Variants in INA observed in about 807,000 individuals in gnomAD.
The protein encoded by INA is alpha-internexin.
In INA, 35 loss-of-function variants were observed where a neutral mutation model predicts 40.1. The observed-to-expected ratio is 0.87, with a 90% confidence interval of 0.67 to 1.16. INA has a LOEUF of 1.16. INA is among the 50% of genes most tolerant of loss of function. The probability of loss-of-function intolerance (pLI) is 0.00; values close to 1 mark genes in which losing one functional copy is unlikely to be tolerated. For missense variants in INA, 594 were observed against 686.7 expected (o/e 0.87, Z 1.51); for synonymous variants, 290 against 316.9 (o/e 0.92, Z 0.90).
intron 2 of INA, among the ~76,000 whole-genome samples, chr10:103,287,390 T>C (rs1337213173): frequency 6.6e-6 from 1 of 152,174 alleles, no homozygotes; most frequent in African/African-American, 2.4e-5. Flanking sequence ...AAGGGGATAA[T>C]GTGAGTACAC....
chr10:103,287,018 G>T lies in INA; in HGVS notation c.1066-17G>T. On this transcript the variant is annotated splice_polypyrimidine_tract_variant and intron_variant, in intron 1 of 2. Transcript: ENST00000369849. ...CAGCTGGTTTGGCCTAACTATTTTGGATATGTTACTTTTCAGGATAGCATT... is the reference window on the plus strand; with the variant it reads ...CAGCTGGTTTGGCCTAACTATTTTGTATATGTTACTTTTCAGGATAGCATT... The T allele has an allele frequency of 6.2e-7, 1 of 1,612,532 alleles. No individual in the cohort carries two copies. Among genetic ancestry groups the T allele is most frequent in the Non-Finnish European group, 8.5e-7 (1 of 1,179,284 alleles).
In INA at chr10:103,278,770, A is replaced by T. The variant is rs2093066662; in HGVS notation, c.1065+494A>T. On this transcript the variant is annotated intron_variant, in intron 1 of 2. Transcript: ENST00000369849. The surrounding 1 kb of genome is among the most constrained non-coding windows in gnomAD (Gnocchi z 4.9). ...CCTGAACTGGGAAGAGTCCTATCCC[A>T]TTTTCTTGACTTTCGCGCTCCAAAA... Among the ~76,000 whole-genome samples the T allele has an allele frequency of 6.6e-6, 1 of 151,870 alleles. No individual in the cohort carries two copies.
chr10:103,288,320 TTA>T (rs762348732), intron 2 of INA, 38 bp from the exon 3 acceptor site: 13 of 1,533,114 alleles, frequency 8.5e-6, no homozygotes, highest in South Asian at 2.5e-5. Context: ...GGGGGAAAAG[TTA>T]TTGACTTCCT....
intron 1 of INA, among the ~76,000 whole-genome samples, chr10:103,282,363 C>G (rs927265324): frequency 6.6e-6 from 1 of 152,212 alleles, no homozygotes; most frequent in Non-Finnish European, 1.5e-5. Context: ...CTTGGCACCT[C>G]TACTGCCCCC....
chr10:103,289,595 AAGTG>A lies in INA; in HGVS notation c.*931_*934del, dbSNP rs1221137622. The A allele has an allele frequency of 1.0e-4, 16 of 152,768 alleles. No homozygotes were observed. Among genetic ancestry groups the A allele is most frequent in the African/African-American group, 3.8e-4 (16 of 41,578 alleles). The allele number at this position is 152,768 out of a possible 1,614,324, so 9.5% of individuals were successfully genotyped here. A position where few individuals can be genotyped will look rare whatever the true frequency, so the allele number is the denominator to read the frequency against. On this transcript the variant is annotated 3_prime_UTR_variant, in exon 3 of 3. Coordinates refer to ENST00000369849, the MANE Select transcript of INA (RefSeq NM_032727.4). ...TAGATTTAGTAGTGTAAGCTAGAAG[AAGTG>A]AGTGTTTCTATGAGTGGAAAAAGCC...
chr10:103,286,008 A>T (rs150189613), intron 1 of INA, among the ~76,000 whole-genome samples: 1 of 152,080 alleles, frequency 6.6e-6, no homozygotes, highest in African/African-American at 2.4e-5. Flanking sequence ...TGGGACAGCA[A>T]TGAACTTGGT....
chr10:103,288,748 TA>T lies in INA; in HGVS notation c.*81del. On this transcript the variant is annotated 3_prime_UTR_variant, in exon 3 of 3. Coordinates refer to ENST00000369849, the MANE Select transcript of INA (RefSeq NM_032727.4). ...TGTTAAACAGCCTATTCCTGAACTA[TA>T]ACACCTGCCACCACTATAAAATGTC... The T allele has an allele frequency of 2.3e-6, 2 of 855,612 alleles. No homozygotes were observed. 53.0% of individuals were successfully genotyped at this position (855,612 alleles called of 1,614,324 possible).
At position 103,277,408 on chromosome 10, in the gene INA, A is replaced by G. The variant is rs1282113620; in HGVS notation, c.197A>G (p.Tyr66Cys). The change falls in exon 1 of 3, where the codon TAT (tyrosine) becomes TGT (cysteine). Residue 66 changes from tyrosine (Y) to cysteine (C), a missense_variant. Coordinates refer to ENST00000369849, the MANE Select transcript of INA (RefSeq NM_032727.4). This position sits in a 1 kb window ranked among gnomAD's most constrained non-coding sequence, Gnocchi z 5.6. ...SASSLGLGLA[Y>C]RRPPASDGLD... Reference sequence around the variant, plus strand: ...TCGTCGCTCGGCCTCGGCCTGGCCTATCGCCGGCCGCCGGCGTCCGACGGG... The same window carrying G: ...TCGTCGCTCGGCCTCGGCCTGGCCTGTCGCCGGCCGCCGGCGTCCGACGGG... 5 of 1,557,606 alleles carry G rather than the reference A, an allele frequency of 3.2e-6. No individual in the cohort carries two copies. The highest frequency in any genetic ancestry group is 4.3e-6 in the Non-Finnish European group (5 of 1,158,282).
At chr10:103,285,247 G>T (rs1481922315) in intron 1 of INA, among the ~76,000 whole-genome samples, 1 of 151,772 alleles carries the variant, frequency 6.6e-6, no homozygotes, top group Non-Finnish European at 1.5e-5. Flanking sequence ...GCCTCCCAAA[G>T]TGCTGGGATT....
At chr10:103,286,754 G>A (rs1481773915) in intron 1 of INA, among the ~76,000 whole-genome samples, 1 of 151,624 alleles carries the variant, frequency 6.6e-6, no homozygotes, top group Non-Finnish European at 1.5e-5. Context: ...TGGCTATCCT[G>A]AAAAGGGCAG....
chr10:103,287,452 G>T (rs986320558), intron 2 of INA, among the ~76,000 whole-genome samples: 2 of 152,108 alleles, frequency 1.3e-5, no homozygotes, highest in African/African-American at 4.8e-5. Context: ...ATAGGGTTTG[G>T]GGCCAAGTGC....
Position 103,288,764 on chromosome 10 carries a change from T to C in INA, c.*95T>C, listed in dbSNP as rs1217328282. ...CCTGAACTATAACACCTGCCACCAC[T>C]ATAAAATGTCTTCAAGGCTTCAGTC... On this transcript the variant is annotated 3_prime_UTR_variant, in exon 3 of 3. Transcript: ENST00000369849. 3 of 759,902 alleles carry C rather than the reference T, an allele frequency of 3.9e-6. No homozygotes were observed. Among genetic ancestry groups the C allele is most frequent in the Non-Finnish European group, 6.4e-6 (3 of 470,224 alleles). 47.1% of individuals were successfully genotyped at this position (759,902 alleles called of 1,614,324 possible). A position where few individuals can be genotyped will look rare whatever the true frequency, so the allele number is the denominator to read the frequency against.
In INA at chr10:103,277,262, G is replaced by A. The variant is rs770210578; in HGVS notation, c.51G>A (p.Lys17=). ...TGTGCTCCTCCTCCTCCTACCGCAAGGTGTTCGGGGATGGCTCTCGCCTGT... is the reference window on the plus strand; with the variant it reads ...TGTGCTCCTCCTCCTCCTACCGCAAAGTGTTCGGGGATGGCTCTCGCCTGT... ...HYLCSSSSYR[K]VFGDGSRLSA... The change falls in exon 1 of 3, where the codon AAG becomes AAA. Residue 17 remains lysine (K), a synonymous_variant. Transcript: ENST00000369849. The surrounding 1 kb of genome is among the most constrained non-coding windows in gnomAD (Gnocchi z 5.6). 1 of 1,595,106 alleles carries A rather than the reference G, an allele frequency of 6.3e-7. No individual in the cohort carries two copies. Among genetic ancestry groups the A allele is most frequent in the South Asian group, 1.1e-5 (1 of 89,908 alleles).
Position 103,277,563 on chromosome 10 carries a change from C to G in INA, c.352C>G (p.Gln118Glu), listed in dbSNP as rs2135753801. Reference sequence around the variant, plus strand: ...CGAGAAGGTGCATCAGCTGGAGACGCAGAACCGCGCGTTGGAGGCCGAGCT... The same window carrying G: ...CGAGAAGGTGCATCAGCTGGAGACGGAGAACCGCGCGTTGGAGGCCGAGCT... ...FIEKVHQLET[Q>E]NRALEAELAA... The change falls in exon 1 of 3, where the codon CAG (glutamine) becomes GAG (glutamate). Residue 118 changes from glutamine (Q) to glutamate (E), a missense_variant. Physicochemically the swap from Gln to Glu is conservative, Grantham distance 29. Coordinates refer to ENST00000369849, the MANE Select transcript of INA (RefSeq NM_032727.4). This position sits in a 1 kb window ranked among gnomAD's most constrained non-coding sequence, Gnocchi z 5.6. 6.3e-7 allele frequency: 1 copy of G among 1,576,508 alleles called. No individual in the cohort carries two copies. Among genetic ancestry groups the G allele is most frequent in the South Asian group, 1.1e-5 (1 of 87,668 alleles).
rs892997876 is a variant in INA at position 103,278,578 on chromosome 10, G to A, written c.1065+302G>A. Among the ~76,000 whole-genome samples, 1 of 152,206 alleles carries A rather than the reference G, an allele frequency of 6.6e-6. No homozygotes were observed. Among genetic ancestry groups the A allele is most frequent in the East Asian group, 1.9e-4 (1 of 5,198 alleles). On this transcript the variant is annotated intron_variant, in intron 1 of 2. Transcript: ENST00000369849. The surrounding 1 kb of genome is among the most constrained non-coding windows in gnomAD (Gnocchi z 4.9). ...CGGGCCTACACACACCGGCGACCCG[G>A]AGAACAGTGCCCCACCCAAAGTAAG...
At chr10:103,286,335 C>CA (rs71019675) in intron 1 of INA, among the ~76,000 whole-genome samples, 16,191 of 49,864 alleles carry the variant, frequency 0.32, 1,945 homozygotes, top group African/African-American at 0.39. Flanking sequence ...GACCTTGTCT[C>CA]AAAAAAAAAA....
rs2093065465 is a variant in INA, at chr10:103,278,386, A to G, written c.1065+110A>G. The G allele has an allele frequency of 1.1e-6, 1 of 895,050 alleles. No homozygotes were observed. Among genetic ancestry groups the G allele is most frequent in the Non-Finnish European group, 1.6e-6 (1 of 607,658 alleles). 55.4% of individuals were successfully genotyped at this position (895,050 alleles called of 1,614,324 possible). ...ACTTAAGGGGAGGGCAAAAGAGAGG[A>G]GAGAAGAGCCGCGGCTGGAGGCGCT... On this transcript the variant is annotated intron_variant, in intron 1 of 2. Coordinates refer to ENST00000369849, the MANE Select transcript of INA (RefSeq NM_032727.4). This position sits in a 1 kb window ranked among gnomAD's most constrained non-coding sequence, Gnocchi z 4.9.
chr10:103,277,721 G>T lies in INA; in HGVS notation c.510G>T (p.Gly170=). ...CGCAGGCCCTGCTGGAGCGCGACGG[G>T]CTGGCGGAGGAGGTGCAGCGGCTGC... ...ARSQALLERD[G]LAEEVQRLRA... Residue 170 remains glycine, a synonymous_variant, in exon 1 of 3, where the codon GGG becomes GGT. Coordinates refer to ENST00000369849, the MANE Select transcript of INA (RefSeq NM_032727.4). This position sits in a 1 kb window ranked among gnomAD's most constrained non-coding sequence, Gnocchi z 5.6. The T allele has an allele frequency of 7.2e-7, 1 of 1,394,816 alleles. No homozygotes were observed. Among genetic ancestry groups the T allele is most frequent in the Admixed American group, 3.7e-5 (1 of 27,344 alleles). The allele number at this position is 1,394,816 out of a possible 1,614,324, so 86.4% of individuals were successfully genotyped here. A position where few individuals can be genotyped will look rare whatever the true frequency, so the allele number is the denominator to read the frequency against.
chr10:103,279,996 C>T (rs1564714332), intron 1 of INA: 1 of 1,283,474 alleles, frequency 7.8e-7, no homozygotes, highest in African/African-American at 1.5e-5. Context: ...AGTATTTCTA[C>T]AAAAAAAGGA....
Sources: allele counts gnomAD v4.1 joint callset (sites outside exome capture counted in the v4.1 genomes callset), GRCh38; gene constraint gnomAD v4.1.1; non-coding constraint Gnocchi (gnomAD v3.1); transcripts MANE v1.5; gene names NCBI Gene and HGNC (gene_info 2026-07-23, HGNC 2026-07-21).